Variants in KIF4B observed in about 807,000 individuals in gnomAD.
The protein encoded by KIF4B is chromosome-associated kinesin KIF4B.
Under a neutral mutation model 69.0 loss-of-function variants are expected in KIF4B, and 60 were observed. The observed-to-expected ratio is 0.87, with a 90% confidence interval of 0.71 to 1.08. The LOEUF (loss-of-function observed/expected upper bound fraction) is 1.08, where lower values mean the gene tolerates loss of function less well. Ranked by LOEUF, KIF4B falls within the 50% of genes least tolerant of loss-of-function variation. KIF4B has a pLI of 0.00. For missense variants in KIF4B, 1,357 were observed against 1,451.9 expected (o/e 0.93, Z 1.06); for synonymous variants, 489 against 533.0 (o/e 0.92, Z 1.14).
In KIF4B at chr5:155,015,793, A is replaced by G; in HGVS notation, c.1934A>G (p.Asn645Ser). 2.5e-6 allele frequency: 4 copies of G among 1,614,208 alleles called. No individual in the cohort carries two copies. Among genetic ancestry groups the G allele is most frequent in the Non-Finnish European group, 3.4e-6 (4 of 1,180,034 alleles). The change falls in exon 1 of 1, where the codon AAC (asparagine) becomes AGC (serine). Residue 645 changes from asparagine (N) to serine (S), a missense_variant. By Grantham distance (46) the Asn-to-Ser change is conservative (BLOSUM62 1). Transcript: ENST00000435029. ...AACCAAGAGATATGGATGATGAAAAACCAGCGGGTACAGTTAATGCGTCAA... is the reference window on the plus strand; with the variant it reads ...AACCAAGAGATATGGATGATGAAAAGCCAGCGGGTACAGTTAATGCGTCAA... ...KLNQEIWMMK[N>S]QRVQLMRQMK...
At position 155,018,101 on chromosome 5, in the gene KIF4B, T is replaced by G. The variant is rs1470042662; in HGVS notation, c.*537T>G. The stretch of plus-strand genomic sequence containing the variant: ...GAAGTAAATGAATTATTTTTAAATG[T>G]TAAGTAAATAAACCTTAGCCCATCT... On this transcript the variant is annotated 3_prime_UTR_variant, in exon 1 of 1. Coordinates refer to ENST00000435029, the MANE Select transcript of KIF4B (RefSeq NM_001099293.3). 1 of 168,378 alleles carries G rather than the reference T, an allele frequency of 5.9e-6. No individual in the cohort carries two copies. Among genetic ancestry groups the G allele is most frequent in the East Asian group, 1.9e-4 (1 of 5,216 alleles). 10.4% of individuals were successfully genotyped at this position (168,378 alleles called of 1,614,324 possible).
Position 155,015,877 on chromosome 5 carries a change from T to C in KIF4B, c.2018T>C (p.Ile673Thr). ...QWKQKKDKEV[I>T]QLKERDRKRQ... is the part of the protein sequence containing the mutation. ...AAGCAGAAAAAAGACAAAGAAGTAATACAGTTGAAAGAACGAGACCGTAAG... is the reference window on the plus strand; with the variant it reads ...AAGCAGAAAAAAGACAAAGAAGTAACACAGTTGAAAGAACGAGACCGTAAG... The change falls in exon 1 of 1, where the codon ATA (isoleucine) becomes ACA (threonine). Residue 673 changes from isoleucine (I) to threonine (T), a missense_variant. Coordinates refer to ENST00000435029, the MANE Select transcript of KIF4B (RefSeq NM_001099293.3). 3.7e-6 allele frequency: 6 copies of C among 1,614,046 alleles called. No individual in the cohort carries two copies. The highest frequency in any genetic ancestry group is 5.1e-6 in the Non-Finnish European group (6 of 1,180,000).
At position 155,013,950 on chromosome 5, in the gene KIF4B, T is replaced by A. The variant is rs758494976; in HGVS notation, c.91T>A (p.Cys31Ser). ...AGAGATTAGCGAGGGCTGCCAGATG[T>A]GCCTTTCCTTCGTGCCCGGGGAGAC... ...PKEISEGCQM[C>S]LSFVPGETQV... The change falls in exon 1 of 1, where the codon TGC becomes AGC. Residue 31 changes from cysteine (C) to serine (S), a missense_variant. Physicochemically the swap from Cys to Ser is moderately radical, Grantham distance 112 (BLOSUM62 -1). Coordinates refer to ENST00000435029, the MANE Select transcript of KIF4B (RefSeq NM_001099293.3). 6.2e-7 allele frequency: 1 copy of A among 1,614,272 alleles called. No individual in the cohort carries two copies. Among genetic ancestry groups the A allele is most frequent in the East Asian group, 2.2e-5 (1 of 44,886 alleles).
chr5:155,016,387 A>T lies in KIF4B; in HGVS notation c.2528A>T (p.Asp843Val). The change falls in exon 1 of 1, where the codon GAT becomes GTT. Residue 843 changes from aspartate (D) to valine (V), a missense_variant. Asp to Val is a radical substitution (Grantham distance 152). Coordinates refer to ENST00000435029, the MANE Select transcript of KIF4B (RefSeq NM_001099293.3). ...GCTGACCTACAGCAGAAGCTGCTGGATGCAGAAAGTGAAGATAGGCCAAAA... is the reference window on the plus strand; with the variant it reads ...GCTGACCTACAGCAGAAGCTGCTGGTTGCAGAAAGTGAAGATAGGCCAAAA... Reference protein sequence around the residue: ...QIADLQQKLLDAESEDRPKQC... With the variant: ...QIADLQQKLLVAESEDRPKQC... 6.2e-7 allele frequency: 1 copy of T among 1,614,222 alleles called. No homozygotes were observed. The highest frequency in any genetic ancestry group is 8.5e-7 in the Non-Finnish European group (1 of 1,180,038).
Position 155,015,911 on chromosome 5 carries a change from T to C in KIF4B, c.2052T>C (p.Tyr684=), listed in dbSNP as rs1240349017. The C allele has an allele frequency of 2.5e-6, 4 of 1,614,078 alleles. No homozygotes were observed. Among genetic ancestry groups the C allele is most frequent in the Middle Eastern group, 1.6e-4 (1 of 6,084 alleles). Residue 684 remains tyrosine (Y), a synonymous_variant, in exon 1 of 1, where the codon TAT becomes TAC. Transcript: ENST00000435029. ...QLKERDRKRQ[Y]ELLKLERNFQ... ...AAGAACGAGACCGTAAGAGGCAATA[T>C]GAGCTGCTCAAACTTGAAAGAAACT... is the stretch of plus-strand genomic sequence containing the variant.
rs756748833 is a variant in KIF4B, at chr5:155,017,415, G to T, written c.3556G>T (p.Ala1186Ser). Residue 1186 changes from alanine to serine, a missense_variant, in exon 1 of 1, where the codon GCT becomes TCT. Coordinates refer to ENST00000435029, the MANE Select transcript of KIF4B (RefSeq NM_001099293.3). The part of the protein sequence containing the change: ...EQVLSKKTAP[A>S]PSPFDLPESK... ...GGTGCTGTCAAAGAAGACTGCTCCA[G>T]CTCCCTCCCCTTTTGACCTCCCAGA... 3.1e-6 allele frequency: 5 copies of T among 1,614,168 alleles called. 1 individual carries two copies. The East Asian group carries it at 1.1e-4, about 36-fold the overall frequency.
chr5:155,014,020 T>C lies in KIF4B; in HGVS notation c.161T>C (p.Val54Ala). 6.2e-7 allele frequency: 1 copy of C among 1,614,212 alleles called. No homozygotes were observed. The highest frequency in any genetic ancestry group is 8.5e-7 in the Non-Finnish European group (1 of 1,180,038). ...GTDKSFTYDFVFDPCTEQEEV... is the reference protein window; with the variant it reads ...GTDKSFTYDFAFDPCTEQEEV... The stretch of plus-strand genomic sequence containing the variant: ...GATAAATCCTTCACCTACGATTTTG[T>C]GTTTGACCCCTGTACTGAGCAGGAA... The change falls in exon 1 of 1, where the codon GTG becomes GCG. Residue 54 changes from valine (V) to alanine (A), a missense_variant. By Grantham distance (64) the Val-to-Ala change is moderately conservative. Coordinates refer to ENST00000435029, the MANE Select transcript of KIF4B (RefSeq NM_001099293.3).
In KIF4B at chr5:155,013,912, C is replaced by T. The variant is rs761027823; in HGVS notation, c.53C>T (p.Pro18Leu). 4 of 1,614,068 alleles carry T rather than the reference C, an allele frequency of 2.5e-6. No individual in the cohort carries two copies. The East Asian group carries it at 6.7e-5, about 27-fold the overall frequency. ...GTAAGAGTGGCACTGCGTTGTCGCCCTCTGGTCCCCAAAGAGATTAGCGAG... is the reference window on the plus strand; with the variant it reads ...GTAAGAGTGGCACTGCGTTGTCGCCTTCTGGTCCCCAAAGAGATTAGCGAG... ...IPVRVALRCR[P>L]LVPKEISEGC... Residue 18 changes from proline (P) to leucine (L), a missense_variant, in exon 1 of 1, where the codon CCT becomes CTT. By Grantham distance (98) the Pro-to-Leu change is moderately conservative. Coordinates refer to ENST00000435029, the MANE Select transcript of KIF4B (RefSeq NM_001099293.3).
At position 155,016,545 on chromosome 5, in the gene KIF4B, G is replaced by GT. The variant is rs370507337; in HGVS notation, c.2686_2687insT (p.Ala896ValfsTer2). ...CCTGAGACAGAGCAAGGCCAGCTGT[G>GT]CTGACATGCAGAAGATGCTATTTGA... On this transcript the variant is annotated frameshift_variant, in exon 1 of 1. Coordinates refer to ENST00000435029, the MANE Select transcript of KIF4B (RefSeq NM_001099293.3). LOFTEE classifies it high-confidence loss of function. 42 of 1,614,108 alleles carry GT rather than the reference G, an allele frequency of 2.6e-5. No individual in the cohort carries two copies. The African/African-American group carries it at 4.4e-4, about 17-fold the overall frequency.
chr5:155,014,419 C>A lies in KIF4B; in HGVS notation c.560C>A (p.Thr187Asn). 1 of 1,614,194 alleles carries A rather than the reference C, an allele frequency of 6.2e-7. No homozygotes were observed. Among genetic ancestry groups the A allele is most frequent in the Non-Finnish European group, 8.5e-7 (1 of 1,180,034 alleles). The change falls in exon 1 of 1, where the codon ACT becomes AAT. Residue 187 changes from threonine (T) to asparagine (N), a missense_variant. Transcript: ENST00000435029. ...AAGACTGTTTTAGTTGCCTTGGATA[C>A]TGTTTCCTGTTTGGAGCAGGGCAAC... ...TEKTVLVALDTVSCLEQGNNS... is the reference protein window; with the variant it reads ...TEKTVLVALDNVSCLEQGNNS...
chr5:155,017,821 T>C lies in KIF4B; in HGVS notation c.*257T>C, dbSNP rs1765356111. On this transcript the variant is annotated 3_prime_UTR_variant, in exon 1 of 1. Transcript: ENST00000435029. ...AGAACCAACAGACTTTCCTAATGACTCATCAGGAACCAGTCCTCAGTATGA... is the reference window on the plus strand; with the variant it reads ...AGAACCAACAGACTTTCCTAATGACCCATCAGGAACCAGTCCTCAGTATGA... 3.6e-6 allele frequency: 2 copies of C among 552,066 alleles called. No individual in the cohort carries two copies. Among genetic ancestry groups the C allele is most frequent in the East Asian group, 3.5e-5 (1 of 28,630 alleles). 34.2% of individuals were successfully genotyped at this position (552,066 alleles called of 1,614,324 possible). A position where few individuals can be genotyped will look rare whatever the true frequency, so the allele number is the denominator to read the frequency against.
At position 155,015,097 on chromosome 5, in the gene KIF4B, C is replaced by A; in HGVS notation, c.1238C>A (p.Thr413Lys). Residue 413 changes from threonine (T) to lysine (K), a missense_variant, in exon 1 of 1, where the codon ACA becomes AAA. By Grantham distance (78) the Thr-to-Lys change is moderately conservative. Transcript: ENST00000435029. ...SRCLSKAAGQ[T>K]AQMLERIILT... ...TGTCTGAGCAAGGCAGCTGGTCAGA[C>A]AGCCCAGATGTTGGAGAGGATCATT... 1 of 1,614,182 alleles carries A rather than the reference C, an allele frequency of 6.2e-7. No individual in the cohort carries two copies. The highest frequency in any genetic ancestry group is 2.2e-5 in the East Asian group (1 of 44,874).
rs779961819 is a variant in KIF4B at position 155,015,856 on chromosome 5, A to G, written c.1997A>G (p.Gln666Arg). 1.5e-5 allele frequency: 24 copies of G among 1,614,152 alleles called. No homozygotes were observed. The Admixed American group carries it at 3.7e-4, about 25-fold the overall frequency. ...EDAEKFRQWK[Q>R]KKDKEVIQLK... is the part of the protein sequence containing the mutation. The stretch of plus-strand genomic sequence containing the variant: ...GCTGAGAAGTTTAGACAATGGAAGC[A>G]GAAAAAAGACAAAGAAGTAATACAG... Residue 666 changes from glutamine to arginine, a missense_variant, in exon 1 of 1, where the codon CAG becomes CGG. Coordinates refer to ENST00000435029, the MANE Select transcript of KIF4B (RefSeq NM_001099293.3).
In KIF4B at chr5:155,016,764, G is replaced by C; in HGVS notation, c.2905G>C (p.Glu969Gln). 6.2e-7 allele frequency: 1 copy of C among 1,614,186 alleles called. No homozygotes were observed. Among genetic ancestry groups the C allele is most frequent in the South Asian group, 1.1e-5 (1 of 91,082 alleles). Reference sequence around the variant, plus strand: ...GAGCACACTGCAGTGTCAGGATGAAGAACTTGAGAAGATGCGAGAAGTGTG... The same window carrying C: ...GAGCACACTGCAGTGTCAGGATGAACAACTTGAGAAGATGCGAGAAGTGTG... ...LVSTLQCQDE[E>Q]LEKMREVCEQ... Residue 969 changes from glutamate to glutamine, a missense_variant, in exon 1 of 1, where the codon GAA becomes CAA. Glu to Gln is a conservative substitution (Grantham distance 29, BLOSUM62 2). Coordinates refer to ENST00000435029, the MANE Select transcript of KIF4B (RefSeq NM_001099293.3).
In KIF4B at chr5:155,014,517, A is replaced by G. The variant is rs117318692; in HGVS notation, c.658A>G (p.Ile220Val). The change falls in exon 1 of 1, where the codon ATA (isoleucine) becomes GTA (valine). Residue 220 changes from isoleucine to valine, a missense_variant. Ile to Val is a conservative substitution (Grantham distance 29). Coordinates refer to ENST00000435029, the MANE Select transcript of KIF4B (RefSeq NM_001099293.3). ...SRSHAIFTISIEQRKKSDKNC... is the reference protein window; with the variant it reads ...SRSHAIFTISVEQRKKSDKNC... Reference sequence around the variant, plus strand: ...ATCTCATGCCATCTTTACAATCTCCATAGAGCAAAGAAAGAAAAGTGACAA... The same window carrying G: ...ATCTCATGCCATCTTTACAATCTCCGTAGAGCAAAGAAAGAAAAGTGACAA... The G allele has an allele frequency of 6.6e-4, 1,065 of 1,614,108 alleles. 15 individuals carry two copies. The East Asian group carries it at 0.016, about 24-fold the overall frequency.
In KIF4B at chr5:155,014,302, T is replaced by A. The variant is rs754539496; in HGVS notation, c.443T>A (p.Ile148Asn). ...TACTTAGAGATTTACAATGAAGAAA[T>A]TTTGGATCTTCTATGCCCATCTCGT... ...VSYLEIYNEE[I>N]LDLLCPSREK... is the part of the protein sequence containing the mutation. The change falls in exon 1 of 1, where the codon ATT becomes AAT. Residue 148 changes from isoleucine to asparagine, a missense_variant. By Grantham distance (149) the Ile-to-Asn change is moderately radical (BLOSUM62 -3). Coordinates refer to ENST00000435029, the MANE Select transcript of KIF4B (RefSeq NM_001099293.3). 8.1e-6 allele frequency: 13 copies of A among 1,614,098 alleles called. No individual in the cohort carries two copies. The highest frequency in any genetic ancestry group is 1.1e-5 in the Non-Finnish European group (13 of 1,180,050).
chr5:155,015,397 C>G lies in KIF4B; in HGVS notation c.1538C>G (p.Thr513Ser). Residue 513 changes from threonine (T) to serine (S), a missense_variant, in exon 1 of 1, where the codon ACT becomes AGT. By Grantham distance (58) the Thr-to-Ser change is moderately conservative. Transcript: ENST00000435029. ...ETSRSSDAFT[T>S]QHALHQAQMS... is the part of the protein sequence containing the mutation. ...AGCAGGTCTTCTGACGCTTTTACCA[C>G]TCAGCATGCTCTCCATCAAGCTCAG... The G allele has an allele frequency of 6.2e-7, 1 of 1,614,178 alleles. No homozygotes were observed. The highest frequency in any genetic ancestry group is 1.3e-5 in the African/African-American group (1 of 75,036).
In KIF4B at chr5:155,014,970, G is replaced by C; in HGVS notation, c.1111G>C (p.Gly371Arg). ...AGTCTTGTTGCTACAAGCCCATGGA[G>C]GTACCCTGCCTGGATCTATAAATGC... ...LQVLLLQAHGGTLPGSINAEP... is the reference protein window; with the variant it reads ...LQVLLLQAHGRTLPGSINAEP... Residue 371 changes from glycine (G) to arginine (R), a missense_variant, in exon 1 of 1, where the codon GGT (glycine) becomes CGT (arginine). Physicochemically the swap from Gly to Arg is moderately radical, Grantham distance 125 (BLOSUM62 -2). Coordinates refer to ENST00000435029, the MANE Select transcript of KIF4B (RefSeq NM_001099293.3). The C allele has an allele frequency of 6.2e-7, 1 of 1,614,182 alleles. No individual in the cohort carries two copies. Among genetic ancestry groups the C allele is most frequent in the South Asian group, 1.1e-5 (1 of 91,092 alleles).
rs895024250 is a variant in KIF4B, at chr5:155,017,765, C to T, written c.*201C>T. ...TCCCCAGACTACTGCTCTCTGCTCT[C>T]TAGAAGGCTGCTAAACCACCTGCTG... On this transcript the variant is annotated 3_prime_UTR_variant, in exon 1 of 1. Coordinates refer to ENST00000435029, the MANE Select transcript of KIF4B (RefSeq NM_001099293.3). The T allele has an allele frequency of 1.0e-6, 1 of 986,820 alleles. No homozygotes were observed. Among genetic ancestry groups the T allele is most frequent in the Non-Finnish European group, 1.5e-6 (1 of 684,876 alleles). The allele number at this position is 986,820 out of a possible 1,614,324, so 61.1% of individuals were successfully genotyped here. A position where few individuals can be genotyped will look rare whatever the true frequency, so the allele number is the denominator to read the frequency against.
Sources: gnomAD v4.1 joint callset for allele counts on GRCh38, gnomAD v4.1.1 for gene constraint, MANE v1.5 for transcripts, NCBI Gene and HGNC (gene_info 2026-07-23, HGNC 2026-07-21) for gene names.